Variants in RPS26 observed in about 807,000 individuals in gnomAD.
RPS26 encodes the protein ribosomal protein S26.
Under a neutral mutation model 14.7 loss-of-function variants are expected in RPS26, and 1 was observed. That is an observed-to-expected ratio of 0.07 (90% CI 0.02 to 0.32). RPS26 has a LOEUF of 0.32. Among genes scored for constraint, RPS26 ranks in the 10% least tolerant of loss-of-function variants. RPS26 has a pLI of 1.00. For synonymous variants in RPS26, 59 were observed against 53.1 expected (o/e 1.11, Z -0.48); for missense variants, 63 against 157.7 (o/e 0.40, Z 3.22).
At position 56,044,345 on chromosome 12, in the gene RPS26, CTTTTTTTTTTTTTTT is replaced by C. The variant is rs1191650736; in HGVS notation, c.*197_*211del. 4.4e-6 allele frequency: 1 copy of C among 225,050 alleles called. No homozygotes were observed. Among genetic ancestry groups the C allele is most frequent in the Non-Finnish European group, 7.6e-6 (1 of 132,176 alleles). 13.9% of individuals were successfully genotyped at this position (225,050 alleles called of 1,614,324 possible). On this transcript the variant is annotated 3_prime_UTR_variant, in exon 4 of 4. Transcript: ENST00000646449. ...CTTATTCATGTAATTTAATTTTTTT[CTTTTTTTTTTTTTTT>C]TTTTTGAGACGGAGTCTTTGTCGCC...
At chr12:56,042,262 C>T (rs1895897139) in intron 1 of RPS26, 93 bp downstream of exon 1, 1 of 1,549,024 alleles carries the variant, frequency 6.5e-7, no homozygotes, top group Non-Finnish European at 8.9e-7. Context: ...AGGGGTGGAC[C>T]GAGTGTACAT....
At chr12:56,043,153 G>A in intron 2 of RPS26, 1 of 544,412 alleles carries the variant, frequency 1.8e-6, no homozygotes, top group Non-Finnish European at 3.3e-6. Flanking sequence ...ACTCACGTGG[G>A]ATGTTAATTC....
At chr12:56,043,844 G>T (rs557814790) in intron 3 of RPS26, among the ~76,000 whole-genome samples, 1 of 151,952 alleles carries the variant, frequency 6.6e-6, no homozygotes, top group Non-Finnish European at 1.5e-5. Context: ...CTCCTGTGGT[G>T]CAGGGGGTAT....
At chr12:56,042,193 G>T in intron 1 of RPS26, 24 bp downstream of exon 1, 1 of 1,614,006 alleles carries the variant, frequency 6.2e-7, no homozygotes, top group East Asian at 2.2e-5. Context: ...CGTGGTGAGG[G>T]TGGGGGTTCG....
chr12:56,042,656 C>G (rs1055893360), intron 2 of RPS26, 54 bp downstream of exon 2: 4 of 1,459,386 alleles, frequency 2.7e-6, no homozygotes, highest in African/African-American at 2.8e-5. Context: ...TTAAAGCCTT[C>G]GCCCAACTTC....
intron 2 of RPS26, 92 bp downstream of exon 2, chr12:56,042,694 G>A: frequency 1.0e-6 from 1 of 992,614 alleles, no homozygotes; most frequent in Non-Finnish European, 1.6e-6. Flanking sequence ...GTTCTTTGGA[G>A]CCTCTCAGGC....
rs1164499336 is a variant in RPS26 at position 56,044,347 on chromosome 12, T to TG, written c.*193_*194insG. On this transcript the variant is annotated 3_prime_UTR_variant, in exon 4 of 4. Coordinates refer to ENST00000646449, the MANE Select transcript of RPS26 (RefSeq NM_001029.5). Reference sequence around the variant, plus strand: ...TATTCATGTAATTTAATTTTTTTCTTTTTTTTTTTTTTTTTTTTGAGACGG... The same window carrying TG: ...TATTCATGTAATTTAATTTTTTTCTTGTTTTTTTTTTTTTTTTTTGAGACGG... 3.6e-5 allele frequency: 7 copies of TG among 196,992 alleles called. No individual in the cohort carries two copies. The East Asian group carries it at 5.8e-4, about 16-fold the overall frequency. 12.2% of individuals were successfully genotyped at this position (196,992 alleles called of 1,614,324 possible). A position where few individuals can be genotyped will look rare whatever the true frequency, so the allele number is the denominator to read the frequency against.
intron 2 of RPS26, chr12:56,042,847 G>A: frequency 1.7e-6 from 1 of 578,474 alleles, no homozygotes. Context: ...TCGGTTATGA[G>A]ATTGCAAAAA....
chr12:56,042,124 C>T lies in RPS26; in HGVS notation c.-43C>T, dbSNP rs761817603. ...AGGGATCTCATGCTATATAGGAGGG[C>T]CCTGCCAGGCACCGTCTCCTCTCTC... On this transcript the variant is annotated 5_prime_UTR_variant, in exon 1 of 4. Coordinates refer to ENST00000646449, the MANE Select transcript of RPS26 (RefSeq NM_001029.5). The T allele has an allele frequency of 2.5e-6, 4 of 1,611,444 alleles. No homozygotes were observed. Among genetic ancestry groups the T allele is most frequent in the East Asian group, 2.2e-5 (1 of 44,862 alleles).
At chr12:56,043,324 G>T in intron 2 of RPS26, 39 bp from the exon 3 acceptor site, 4 of 1,597,636 alleles carry the variant, frequency 2.5e-6, no homozygotes, top group Non-Finnish European at 3.4e-6. Flanking sequence ...AGCAAGGTAG[G>T]TATATAATAC....
chr12:56,042,582 C>G lies in RPS26; in HGVS notation c.161C>G (p.Ser54Cys). ...GAGGCCGCAGCAGTCAGGGACATTT[C>G]TGAAGCGAGCGTCTTCGATGGTAAG... Reference protein sequence around the residue: ...IVEAAAVRDISEASVFDAYVL... With the variant: ...IVEAAAVRDICEASVFDAYVL... The change falls in exon 2 of 4, where the codon TCT (serine) becomes TGT (cysteine). Residue 54 changes from serine (S) to cysteine (C), a missense_variant. Physicochemically the swap from Ser to Cys is moderately radical, Grantham distance 112. Transcript: ENST00000646449. 6.3e-7 allele frequency: 1 copy of G among 1,598,770 alleles called. No individual in the cohort carries two copies. Among genetic ancestry groups the G allele is most frequent in the South Asian group, 1.1e-5 (1 of 91,078 alleles).
chr12:56,044,407 G>A lies in RPS26; in HGVS notation c.*253G>A. ...CGCCCAAGCTGAATTGCAGTGGCGT[G>A]ATCTCAGCTCACTGCAACCTCCGTC... is the stretch of plus-strand genomic sequence containing the variant. On this transcript the variant is annotated 3_prime_UTR_variant, in exon 4 of 4. Transcript: ENST00000646449. 1 of 439,956 alleles carries A rather than the reference G, an allele frequency of 2.3e-6. No individual in the cohort carries two copies. The highest frequency in any genetic ancestry group is 3.9e-6 in the Non-Finnish European group (1 of 254,190). The allele number at this position is 439,956 out of a possible 1,614,324, so 27.3% of individuals were successfully genotyped here. A position where few individuals can be genotyped will look rare whatever the true frequency, so the allele number is the denominator to read the frequency against.
At position 56,041,989 on chromosome 12, in the gene RPS26, G is replaced by C; in HGVS notation, c.-178G>C. 1.4e-6 allele frequency: 1 copy of C among 710,738 alleles called. No homozygotes were observed. The highest frequency in any genetic ancestry group is 2.5e-6 in the Non-Finnish European group (1 of 392,298). 44.0% of individuals were successfully genotyped at this position (710,738 alleles called of 1,614,324 possible). On this transcript the variant is annotated 5_prime_UTR_variant, in exon 1 of 4. Transcript: ENST00000646449. ...CCATGGATAAATAAACACTAGGAAC[G>C]CATTTCCACCCTAGATTTCAGCAGA...
In RPS26 at chr12:56,044,127, C is replaced by T; in HGVS notation, c.321C>T (p.Ala107=). The T allele has an allele frequency of 6.2e-7, 1 of 1,613,142 alleles. No individual in the cohort carries two copies. Among genetic ancestry groups the T allele is most frequent in the Non-Finnish European group, 8.5e-7 (1 of 1,179,326 alleles). ...PPPRFRPAGA[A]PRPPPKPM ...GTTTCTTTGTCTTTCAGGGTGCTGC[C>T]CCACGTCCCCCACCAAAGCCCATGT... is the stretch of plus-strand genomic sequence containing the variant. Residue 107 remains alanine (A), a synonymous_variant, in exon 4 of 4, where the codon GCC becomes GCT. Coordinates refer to ENST00000646449, the MANE Select transcript of RPS26 (RefSeq NM_001029.5).
intron 2 of RPS26, 56 bp downstream of exon 2, chr12:56,042,658 C>G: frequency 6.8e-7 from 1 of 1,461,560 alleles, no homozygotes; most frequent in Non-Finnish European, 9.5e-7. Context: ...AAAGCCTTCG[C>G]CCAACTTCGC....
Position 56,042,114 on chromosome 12 carries a change from T to C in RPS26, c.-53T>C. The C allele has an allele frequency of 6.9e-6, 11 of 1,600,464 alleles. No individual in the cohort carries two copies. Among genetic ancestry groups the C allele is most frequent in the South Asian group, 1.1e-5 (1 of 90,742 alleles). ...GTGTCCGCGTAGGGATCTCATGCTATATAGGAGGGCCCTGCCAGGCACCGT... is the reference window on the plus strand; with the variant it reads ...GTGTCCGCGTAGGGATCTCATGCTACATAGGAGGGCCCTGCCAGGCACCGT... On this transcript the variant is annotated 5_prime_UTR_variant, in exon 1 of 4. Coordinates refer to ENST00000646449, the MANE Select transcript of RPS26 (RefSeq NM_001029.5).
chr12:56,044,487 G>A lies in RPS26; in HGVS notation c.*333G>A, dbSNP rs1895938176. ...GCTTCTTGAGTAGCTGGGATTACAG[G>A]TGTCTGCCACCATGCCTGGTTAATT... On this transcript the variant is annotated 3_prime_UTR_variant, in exon 4 of 4. Transcript: ENST00000646449. 6.8e-6 allele frequency: 2 copies of A among 293,486 alleles called. No homozygotes were observed. The highest frequency in any genetic ancestry group is 3.8e-5 in the South Asian group (1 of 26,298). The allele number at this position is 293,486 out of a possible 1,614,324, so 18.2% of individuals were successfully genotyped here.
Position 56,044,297 on chromosome 12 carries a change from CATT to C in RPS26, c.*147_*149del, listed in dbSNP as rs1456036626. The C allele has an allele frequency of 1.9e-5, 10 of 532,988 alleles. No individual in the cohort carries two copies. The highest frequency in any genetic ancestry group is 6.0e-5 in the African/African-American group (3 of 49,968). 33.0% of individuals were successfully genotyped at this position (532,988 alleles called of 1,614,324 possible). A position where few individuals can be genotyped will look rare whatever the true frequency, so the allele number is the denominator to read the frequency against. ...GTTAGACCAAGTGTGAAGTGACACA[CATT>C]ATTTTCATGGGGAAGAAAGCTTATT... On this transcript the variant is annotated 3_prime_UTR_variant, in exon 4 of 4. Coordinates refer to ENST00000646449, the MANE Select transcript of RPS26 (RefSeq NM_001029.5).
intron 2 of RPS26, chr12:56,042,856 A>G: frequency 1.8e-6 from 1 of 566,518 alleles, no homozygotes; most frequent in South Asian, 2.0e-5. Context: ...AGATTGCAAA[A>G]ACTAGAAACT....
Sources: gnomAD v4.1 joint callset for allele counts (sites outside exome capture counted in the v4.1 genomes callset) on GRCh38, gnomAD v4.1.1 for gene constraint, MANE v1.5 for transcripts, NCBI Gene and HGNC (gene_info 2026-07-23, HGNC 2026-07-21) for gene names.